FRMD8: variants seen among roughly 807,000 people sequenced by gnomAD.
FRMD8 encodes FERM domain containing 8, also known as FERM domain-containing protein 8.
A neutral mutation model predicts 54.2 loss-of-function variants in FRMD8; 37 were observed. The ratio of observed to expected loss-of-function variants is 0.68; its 90% CI spans 0.53 to 0.90. The LOEUF (loss-of-function observed/expected upper bound fraction) is 0.90. Among genes scored for constraint, FRMD8 ranks in the 40% least tolerant of loss-of-function variants. The pLI, the probability that FRMD8 is intolerant of heterozygous loss-of-function variation, is 0.00. For missense variants in FRMD8, 585 were observed against 653.7 expected (o/e 0.89, Z 1.15); for synonymous variants, 246 against 286.9 (o/e 0.86, Z 1.44).
At chr11:65,395,773 C>T (rs1203540154) in intron 6 of FRMD8, among the ~76,000 whole-genome samples, 1 of 152,212 alleles carries the variant, frequency 6.6e-6, no homozygotes. Flanking sequence ...ATTAAAACCC[C>T]TGCACCAGTT....
chr11:65,404,796 A>T lies in FRMD8; in HGVS notation c.1072-68A>T, dbSNP rs1409143883. 7.4e-7 allele frequency: 1 copy of T among 1,354,818 alleles called. No homozygotes were observed. Among genetic ancestry groups the T allele is most frequent in the Non-Finnish European group, 1.0e-6 (1 of 961,556 alleles). 83.9% of individuals were successfully genotyped at this position (1,354,818 alleles called of 1,614,324 possible). ...CTTCCCCAACCAGAGAGCAGAGCTC[A>T]TTTCAGGCTCAGCAACAGGCATGGA... On this transcript the variant is annotated intron_variant, in intron 9 of 10. Transcript: ENST00000317568. This position sits in a 1 kb window ranked among gnomAD's most constrained non-coding sequence, Gnocchi z 4.7.
intron 7 of FRMD8, among the ~76,000 whole-genome samples, chr11:65,398,392 T>C (rs1270228352): frequency 6.6e-6 from 1 of 152,262 alleles, no homozygotes; most frequent in East Asian, 1.9e-4. Flanking sequence ...CAGTCTGAAC[T>C]GGAGCTCGTA....
chr11:65,401,824 CT>C (rs61275056), intron 9 of FRMD8, among the ~76,000 whole-genome samples: 1,282 of 119,724 alleles, frequency 0.011, 17 homozygotes, highest in African/African-American at 0.035. Context: ...TCACAATTTT[CT>C]TTTTTTTTTT....
At chr11:65,371,467 A>G in the FRMD8 span, among the ~76,000 whole-genome samples, 2 of 152,200 alleles carry the variant, frequency 1.3e-5, no homozygotes, top group Non-Finnish European at 2.9e-5. Flanking sequence ...TGTAACCTCA[A>G]AGCAGGTTCA....
chr11:65,384,270 C>A (rs1855695083), upstream of FRMD8, among the ~76,000 whole-genome samples: 1 of 152,120 alleles, frequency 6.6e-6, no homozygotes, highest in African/African-American at 2.4e-5. Flanking sequence ...CCCCATGGTG[C>A]CACCCACCTG....
the FRMD8 span, among the ~76,000 whole-genome samples, chr11:65,369,941 G>C: frequency 6.6e-6 from 1 of 151,172 alleles, no homozygotes; most frequent in South Asian, 2.1e-4. Flanking sequence ...TGAGACAGGA[G>C]AATCACTTGA....
upstream of FRMD8, among the ~76,000 whole-genome samples, chr11:65,385,677 C>A (rs1855717875): frequency 6.6e-6 from 1 of 152,144 alleles, no homozygotes; most frequent in African/African-American, 2.4e-5. Context: ...CAAGTCTCCT[C>A]CCAGCCTGGG....
chr11:65,399,613 TC>T, intron 7 of FRMD8, 122 bp from the exon 8 acceptor site: 1 of 1,195,796 alleles, frequency 8.4e-7, no homozygotes, highest in Non-Finnish European at 1.2e-6. Context: ...GTTTCTCCCT[TC>T]CCTGGGGCGG....
chr11:65,389,738 C>A (rs868846125), intron 3 of FRMD8, among the ~76,000 whole-genome samples: 28 of 152,182 alleles, frequency 1.8e-4, no homozygotes, highest in Admixed American at 1.6e-3. Flanking sequence ...GTCTGTCTTT[C>A]TGCTGGTGGT....
intron 1 of FRMD8, 126 bp downstream of exon 1, chr11:65,386,887 C>T (rs1172409073): frequency 4.4e-6 from 3 of 688,958 alleles, no homozygotes; most frequent in Non-Finnish European, 7.5e-6. Flanking sequence ...CCACCAGCGC[C>T]CGGTCTGCAC....
chr11:65,411,449 A>C lies in FRMD8; in HGVS notation c.*89A>C. 23 of 813,926 alleles carry C rather than the reference A, an allele frequency of 2.8e-5. No individual in the cohort carries two copies. The highest frequency in any genetic ancestry group is 3.9e-4 in the Middle Eastern group (1 of 2,588). 50.4% of individuals were successfully genotyped at this position (813,926 alleles called of 1,614,324 possible). A position where few individuals can be genotyped will look rare whatever the true frequency, so the allele number is the denominator to read the frequency against. On this transcript the variant is annotated 3_prime_UTR_variant, in exon 11 of 11. Coordinates refer to ENST00000317568, the MANE Select transcript of FRMD8 (RefSeq NM_031904.5). ...GGCAGGCGCCGGCTGCAACAGTCTC[A>C]TGGGTCACCACGTGGGGAGGGCTGC...
chr11:65,394,139 C>T, intron 5 of FRMD8, 40 bp downstream of exon 5: 1 of 1,610,314 alleles, frequency 6.2e-7, no homozygotes, highest in Non-Finnish European at 8.5e-7. Context: ...GGCCTGGCCC[C>T]TTGTGCCCAG....
Position 65,411,608 on chromosome 11 carries a change from G to C in FRMD8, c.*248G>C, listed in dbSNP as rs1856336240. ...TCCCTTCCCCCGGATGCTGGGCCCT[G>C]CTGCTCTCTCAGGACCATCCGATCA... is the stretch of plus-strand genomic sequence containing the variant. On this transcript the variant is annotated 3_prime_UTR_variant, in exon 11 of 11. Transcript: ENST00000317568. 2.4e-6 allele frequency: 1 copy of C among 410,586 alleles called. No individual in the cohort carries two copies. The highest frequency in any genetic ancestry group is 4.4e-6 in the Non-Finnish European group (1 of 227,640). The allele number at this position is 410,586 out of a possible 1,614,324, so 25.4% of individuals were successfully genotyped here.
At chr11:65,393,552 A>G in intron 3 of FRMD8, 21 bp from the exon 4 acceptor site, 4 of 1,592,578 alleles carry the variant, frequency 2.5e-6, no homozygotes, top group Non-Finnish European at 3.4e-6. Context: ...TGCATGGGCC[A>G]CTCCCCATCT....
At chr11:65,384,304 C>T (rs1855695737), upstream of FRMD8, among the ~76,000 whole-genome samples, 1 of 152,104 alleles carries the variant, frequency 6.6e-6, no homozygotes, top group African/African-American at 2.4e-5. Flanking sequence ...CAGCGGGGGT[C>T]TTTCCTGGGG....
intron 9 of FRMD8, among the ~76,000 whole-genome samples, chr11:65,402,544 A>G (rs548899990): frequency 4.6e-5 from 7 of 152,288 alleles, no homozygotes; most frequent in African/African-American, 1.4e-4. Flanking sequence ...GTAGTCTGAT[A>G]ACCAGAACTT....
At chr11:65,406,252 G>A (rs1209566979) in intron 10 of FRMD8, among the ~76,000 whole-genome samples, 5 of 148,834 alleles carry the variant, frequency 3.4e-5, no homozygotes, top group Non-Finnish European at 7.4e-5. Context: ...GGAGTGCAGT[G>A]GGCGCGATCT....
chr11:65,395,968 G>A (rs532761852), intron 6 of FRMD8, among the ~76,000 whole-genome samples: 241 of 152,274 alleles, frequency 1.6e-3, no homozygotes, highest in African/African-American at 5.6e-3. Context: ...CATCTCCTGG[G>A]CCTCCTTCAC....
intron 10 of FRMD8, among the ~76,000 whole-genome samples, chr11:65,406,690 A>G (rs902960125): frequency 6.6e-6 from 1 of 152,062 alleles, no homozygotes; most frequent in Admixed American, 6.5e-5. Context: ...CTGTAATCCT[A>G]GCACATTGGG....
Sources: gnomAD v4.1 joint callset for allele counts (sites outside exome capture counted in the v4.1 genomes callset) on GRCh38, gnomAD v4.1.1 for gene constraint, Gnocchi (gnomAD v3.1) non-coding constraint, MANE v1.5 for transcripts, NCBI Gene and HGNC (gene_info 2026-07-23, HGNC 2026-07-21) for gene names.